Variants in CPSF7 observed in about 807,000 individuals in gnomAD.
The protein encoded by CPSF7 is cleavage and polyadenylation specific factor 7, also known as cleavage and polyadenylation specificity factor subunit 7.
CPSF7 carries 1 observed loss-of-function variant against 44.3 expected under a neutral mutation model. The observed-to-expected ratio is 0.02, with a 90% CI of 0.01 to 0.11. The LOEUF is 0.11. Among genes scored for constraint, CPSF7 ranks in the 10% least tolerant of loss-of-function variants. The pLI is 1.00. For synonymous variants in CPSF7, 202 were observed against 222.0 expected (o/e 0.91, Z 0.80); for missense variants, 443 against 607.2 (o/e 0.73, Z 2.84).
rs576742257 is a variant in CPSF7 at position 61,427,655 on chromosome 11, GA to G, written c.54+1526del. On this transcript the variant is annotated intron_variant, in intron 2 of 9. Coordinates refer to ENST00000439958, the MANE Select transcript of CPSF7 (RefSeq NM_001142565.3). ...GTGACAGAGAGAGACTCTGTCTCAA[GA>G]AAAAAAAAAAAAAAAAAGGAAAATT... Among the ~76,000 whole-genome samples the G allele has an allele frequency of 8.6e-3, 357 of 41,710 alleles. 1 individual carries two copies. Among genetic ancestry groups the G allele is most frequent in the Middle Eastern group, 0.033 (2 of 60 alleles). 27.4% of individuals were successfully genotyped at this position (41,710 alleles called of 152,430 possible). A position where few individuals can be genotyped will look rare whatever the true frequency, so the allele number is the denominator to read the frequency against.
intron 2 of CPSF7, among the ~76,000 whole-genome samples, chr11:61,425,072 C>A (rs1224024483): frequency 6.6e-6 from 1 of 152,160 alleles, no homozygotes; most frequent in Non-Finnish European, 1.5e-5. Context: ...GGTATGGCTA[C>A]CACTTTTAGA....
chr11:61,425,876 A>G (rs949318244), intron 2 of CPSF7, among the ~76,000 whole-genome samples: 1 of 152,166 alleles, frequency 6.6e-6, no homozygotes, highest in Non-Finnish European at 1.5e-5. Context: ...TAGTCCTGGC[A>G]CAGTGCTTAG....
intron 2 of CPSF7, among the ~76,000 whole-genome samples, chr11:61,423,955 TATAA>T (rs1387228374): frequency 6.6e-6 from 1 of 152,212 alleles, no homozygotes; most frequent in Non-Finnish European, 1.5e-5. Context: ...TCCTAAAGCA[TATAA>T]ATAATTTCAA....
chr11:61,408,532 G>C (rs115306225), intron 9 of CPSF7, among the ~76,000 whole-genome samples: 2,047 of 152,254 alleles, frequency 0.013, 54 homozygotes, highest in African/African-American at 0.046. Flanking sequence ...TAGCCTCCAA[G>C]AACTACAGAC....
intron 3 of CPSF7, chr11:61,420,962 C>A: frequency 2.7e-6 from 2 of 752,096 alleles, no homozygotes; most frequent in South Asian, 2.9e-5. Context: ...CACCACCAGC[C>A]CCAAAACATC....
intron 3 of CPSF7, 186 bp from the exon 4 acceptor site, chr11:61,420,759 C>A (rs1860787233): frequency 1.7e-6 from 1 of 605,048 alleles, no homozygotes; most frequent in Non-Finnish European, 2.9e-6. Flanking sequence ...ACCCACTCAC[C>A]CCCAATCTCC....
chr11:61,413,458 C>T (rs977680605), intron 7 of CPSF7, among the ~76,000 whole-genome samples: 1 of 151,816 alleles, frequency 6.6e-6, no homozygotes, highest in Admixed American at 6.6e-5. Context: ...TGGTGAAACC[C>T]GGTCTCTACT....
intron 7 of CPSF7, among the ~76,000 whole-genome samples, chr11:61,412,911 T>C (rs576240065): frequency 4.6e-5 from 7 of 152,354 alleles, no homozygotes; most frequent in African/African-American, 9.6e-5. Flanking sequence ...TCTGGAGGAA[T>C]ATAAACTATA....
At position 61,404,609 on chromosome 11, in the gene CPSF7, G is replaced by A. The variant is rs564642730; in HGVS notation, c.*101C>T. The stretch of plus-strand genomic sequence containing the variant: ...TCTGGAGGGAGTTAGGGGTTTGGAG[G>A]AAAGGGAAGGGGGTGGGGCGGCCTC... On this transcript the variant is annotated 3_prime_UTR_variant, in exon 10 of 10. Coordinates refer to ENST00000439958, the MANE Select transcript of CPSF7 (RefSeq NM_001142565.3). 6.6e-6 allele frequency: 1 copy of A among 152,188 alleles called. No individual in the cohort carries two copies. Among genetic ancestry groups the A allele is most frequent in the Non-Finnish European group, 1.5e-5 (1 of 68,104 alleles). The allele number at this position is 152,188 out of a possible 1,614,324, so 9.4% of individuals were successfully genotyped here.
At chr11:61,423,150 G>GT (rs1415931528) in intron 2 of CPSF7, among the ~76,000 whole-genome samples, 1 of 123,886 alleles carries the variant, frequency 8.1e-6, no homozygotes, top group African/African-American at 2.9e-5. Context: ...ATTCTACAAT[G>GT]TAATTACCTC....
chr11:61,416,716 A>G (rs1000326827), intron 5 of CPSF7, among the ~76,000 whole-genome samples, 197 bp from the exon 6 acceptor site: 3 of 152,202 alleles, frequency 2.0e-5, no homozygotes, highest in South Asian at 2.1e-4. Flanking sequence ...CCAAAAAACA[A>G]TATCGTCCTA....
At chr11:61,405,064 A>G (rs1469740428) in intron 9 of CPSF7, among the ~76,000 whole-genome samples, 3 of 152,236 alleles carry the variant, frequency 2.0e-5, no homozygotes, top group Non-Finnish European at 4.4e-5. Flanking sequence ...AAAAGGGAAT[A>G]AGGTGAGTTT....
At chr11:61,422,193 C>G (rs1206658310) in intron 2 of CPSF7, among the ~76,000 whole-genome samples, 3 of 152,128 alleles carry the variant, frequency 2.0e-5, no homozygotes, top group Admixed American at 2.0e-4. Context: ...TCCCATCTTT[C>G]CATCGGAGAA....
At chr11:61,420,857 G>C (rs1237686335) in intron 3 of CPSF7, 1 of 500,238 alleles carries the variant, frequency 2.0e-6, no homozygotes, top group Non-Finnish European at 3.6e-6. Flanking sequence ...TTGACAGCTA[G>C]CAATTTTTTA....
rs144871098 is a variant in CPSF7, at chr11:61,413,060, T to A, written c.1058-1123A>T. The stretch of plus-strand genomic sequence containing the variant: ...TCCTTGAACTCCTGGGCTCAAGCCA[T>A]CCTCCTGCATGCCACTTCACCTGGC... On this transcript the variant is annotated intron_variant, in intron 7 of 9. Coordinates refer to ENST00000439958, the MANE Select transcript of CPSF7 (RefSeq NM_001142565.3). 2.3e-3 allele frequency among the ~76,000 whole-genome samples: 348 copies of A among 152,192 alleles called. 1 individual carries two copies. Among genetic ancestry groups the A allele is most frequent in the African/African-American group, 7.9e-3 (329 of 41,554 alleles).
chr11:61,411,977 G>T, intron 7 of CPSF7, 40 bp from the exon 8 acceptor site: 2 of 1,577,810 alleles, frequency 1.3e-6, no homozygotes, highest in Non-Finnish European at 1.7e-6. Context: ...GGTGAGGAGA[G>T]ATGGTAAACT....
At chr11:61,414,740 T>C (rs1191881089) in intron 7 of CPSF7, among the ~76,000 whole-genome samples, 1 of 152,224 alleles carries the variant, frequency 6.6e-6, no homozygotes, top group African/African-American at 2.4e-5. Context: ...CTGTAGCCTC[T>C]TCTTTTAGAA....
intron 5 of CPSF7, among the ~76,000 whole-genome samples, chr11:61,417,111 G>C (rs1178968993): frequency 6.6e-6 from 1 of 152,084 alleles, no homozygotes; most frequent in Non-Finnish European, 1.5e-5. Context: ...GACAACTGGA[G>C]GTTAAGTGAA....
chr11:61,421,686 T>C (rs988825452), intron 2 of CPSF7, 78 bp from the exon 3 acceptor site: 5 of 1,020,368 alleles, frequency 4.9e-6, no homozygotes, highest in East Asian at 4.8e-5. Flanking sequence ...TTTATTAGAA[T>C]CCAGTTAAAT....
Sources: allele counts gnomAD v4.1 joint callset (sites outside exome capture counted in the v4.1 genomes callset), GRCh38; gene constraint gnomAD v4.1.1; transcripts MANE v1.5; gene names NCBI Gene and HGNC (gene_info 2026-07-23, HGNC 2026-07-21).